Variants in HAS3 observed in about 807,000 individuals in gnomAD.
HAS3 encodes hyaluronan synthase 3, also known as HA synthase 3.
In HAS3, 27 loss-of-function variants were observed where a neutral mutation model predicts 50.3. The ratio of observed to expected loss-of-function variants is 0.54; its 90% confidence interval spans 0.40 to 0.74. The LOEUF (loss-of-function observed/expected upper bound fraction) is 0.74. HAS3 is among the 30% of genes least tolerant of loss of function. HAS3 has a pLI of 0.00. For synonymous variants in HAS3, 339 were observed against 310.9 expected (o/e 1.09, Z -0.95); for missense variants, 517 against 742.8 (o/e 0.70, Z 3.53).
upstream of HAS3, among the ~76,000 whole-genome samples, chr16:69,101,215 ATCC>A (rs375250947): frequency 1.0e-3 from 155 of 152,312 alleles, 4 homozygotes; most frequent in South Asian, 0.028. Flanking sequence ...CGGTCCTAGC[ATCC>A]TCCTCCTCAC....
At chr16:69,087,500 T>G in the HAS3 span, among the ~76,000 whole-genome samples, 3 of 152,024 alleles carry the variant, frequency 2.0e-5, no homozygotes. Context: ...CTCTCCACAC[T>G]CATAATTTCC....
In HAS3 at chr16:69,116,877, C is replaced by T; in HGVS notation, c.*1611C>T. The T allele has an allele frequency of 1.0e-6, 1 of 985,456 alleles. No homozygotes were observed. Among genetic ancestry groups the T allele is most frequent in the South Asian group, 4.7e-5 (1 of 21,288 alleles). 61.0% of individuals were successfully genotyped at this position (985,456 alleles called of 1,614,324 possible). A position where few individuals can be genotyped will look rare whatever the true frequency, so the allele number is the denominator to read the frequency against. ...CCAGCTAACCCGTGCAGAACCAGCACTAAGGTGGACAGCAGACAAGAGGGC... is the reference window on the plus strand; with the variant it reads ...CCAGCTAACCCGTGCAGAACCAGCATTAAGGTGGACAGCAGACAAGAGGGC... On this transcript the variant is annotated 3_prime_UTR_variant, in exon 4 of 4. Coordinates refer to ENST00000569188, the MANE Select transcript of HAS3 (RefSeq NM_001199280.2).
the HAS3 span, among the ~76,000 whole-genome samples, chr16:69,086,944 C>T: frequency 2.0e-5 from 3 of 152,134 alleles, no homozygotes; most frequent in African/African-American, 4.8e-5. Flanking sequence ...ACGAAATACA[C>T]GGGAACAAAA....
the HAS3 span, among the ~76,000 whole-genome samples, chr16:69,089,646 T>C: frequency 6.6e-6 from 1 of 152,274 alleles, no homozygotes; most frequent in Admixed American, 6.5e-5. Flanking sequence ...GCTGCCTCTT[T>C]CCTGCAGGCA....
Position 69,114,210 on chromosome 16 carries a change from G to C in HAS3, c.739-133G>C, listed in dbSNP as rs1315451932. The C allele has an allele frequency of 2.9e-6, 4 of 1,391,130 alleles. No homozygotes were observed. The East Asian group carries it at 9.3e-5, about 32-fold the overall frequency. 86.2% of individuals were successfully genotyped at this position (1,391,130 alleles called of 1,614,324 possible). ...GCTCCTCTGAGCCTCAGGTTTCCCA[G>C]CTCCAAAGGAACCGATGGCCAGGAA... On this transcript the variant is annotated intron_variant, in intron 3 of 3. Transcript: ENST00000569188. The surrounding 1 kb of genome is among the most constrained non-coding windows in gnomAD (Gnocchi z 6.4).
At chr16:69,095,869 G>A in the HAS3 span, among the ~76,000 whole-genome samples, 1 of 152,182 alleles carries the variant, frequency 6.6e-6, no homozygotes, top group East Asian at 1.9e-4. Flanking sequence ...AGTGACTAAT[G>A]ATGTCTTTCA....
At chr16:69,088,315 T>C in the HAS3 span, among the ~76,000 whole-genome samples, 1 of 151,578 alleles carries the variant, frequency 6.6e-6, no homozygotes, top group African/African-American at 2.4e-5. Context: ...ATCCCAGCAA[T>C]TTGGGAGGCT....
At chr16:69,101,692 T>A (rs1354949038), upstream of HAS3, among the ~76,000 whole-genome samples, 5 of 152,200 alleles carry the variant, frequency 3.3e-5, no homozygotes, top group Admixed American at 2.0e-4. Flanking sequence ...CTGTTCCAGC[T>A]CACAGAGACC....
chr16:69,087,803 A>G, the HAS3 span, among the ~76,000 whole-genome samples: 1 of 150,236 alleles, frequency 6.7e-6, no homozygotes, highest in Non-Finnish European at 1.5e-5. Context: ...CCCAGGTTCA[A>G]GCAATTCTCC....
At chr16:69,113,380 GT>G (rs1333148066) in intron 2 of HAS3, 60 bp from the exon 3 acceptor site, 25 of 1,068,752 alleles carry the variant, frequency 2.3e-5, no homozygotes, top group Non-Finnish European at 3.7e-5. Context: ...TGGCAGTGGG[GT>G]GGGGGACAGG....
the HAS3 span, among the ~76,000 whole-genome samples, chr16:69,086,366 G>A: frequency 6.6e-6 from 1 of 151,912 alleles, no homozygotes; most frequent in Non-Finnish European, 1.5e-5. Flanking sequence ...GTCTTGCTAT[G>A]TTGCCCAGGC....
At chr16:69,098,606 C>A in the HAS3 span, among the ~76,000 whole-genome samples, 1 of 150,264 alleles carries the variant, frequency 6.7e-6, no homozygotes, top group African/African-American at 2.5e-5. Flanking sequence ...GAAAAAAAAT[C>A]CATTGTTCTA....
downstream of HAS3, chr16:69,118,473 C>T (rs1567585233): frequency 6.7e-7 from 1 of 1,502,290 alleles, no homozygotes; most frequent in Non-Finnish European, 9.3e-7. Flanking sequence ...GCTGATTCTC[C>T]AATGGTGAGC....
At position 69,117,089 on chromosome 16, in the gene HAS3, C is replaced by T; in HGVS notation, c.*1823C>T. The T allele has an allele frequency of 1.0e-6, 1 of 985,746 alleles. No individual in the cohort carries two copies. The highest frequency in any genetic ancestry group is 1.2e-6 in the Non-Finnish European group (1 of 829,922). 61.1% of individuals were successfully genotyped at this position (985,746 alleles called of 1,614,324 possible). A position where few individuals can be genotyped will look rare whatever the true frequency, so the allele number is the denominator to read the frequency against. On this transcript the variant is annotated 3_prime_UTR_variant, in exon 4 of 4. Transcript: ENST00000569188. ...CTGCTGGTTGACATCAGACCCAACC[C>T]ATGAAGGCTGGAAGGCAGCAGGCAT...
At chr16:69,110,682 C>T (rs745540778) in intron 2 of HAS3, among the ~76,000 whole-genome samples, 1 of 152,212 alleles carries the variant, frequency 6.6e-6, no homozygotes, top group Non-Finnish European at 1.5e-5. Flanking sequence ...AGCTAAGTAA[C>T]TTGCCTAATG....
chr16:69,088,211 CCT>C, the HAS3 span, among the ~76,000 whole-genome samples: 4 of 152,060 alleles, frequency 2.6e-5, no homozygotes, highest in Non-Finnish European at 5.9e-5. Flanking sequence ...GAACTCTTAC[CCT>C]CGGGGAGAGT....
chr16:69,096,494 C>CCATGCATTCCAGTCTGGATG, the HAS3 span, among the ~76,000 whole-genome samples: 1 of 117,294 alleles, frequency 8.5e-6, no homozygotes, highest in Non-Finnish European at 1.6e-5. Context: ...AAAGATCACA[C>CCATGCATTCCAGTCTGGATG]CATGCATTCC....
At chr16:69,098,199 G>A in the HAS3 span, among the ~76,000 whole-genome samples, 285 of 152,126 alleles carry the variant, frequency 1.9e-3, 6 homozygotes, top group Admixed American at 0.016. Flanking sequence ...GTGAAACCCC[G>A]TCTCTACTAA....
At chr16:69,089,661 T>C in the HAS3 span, among the ~76,000 whole-genome samples, 1 of 152,124 alleles carries the variant, frequency 6.6e-6, no homozygotes, top group South Asian at 2.1e-4. Flanking sequence ...CAGGCAGAGC[T>C]CAGGGCTGTG....
Sources: gnomAD v4.1 joint callset for allele counts (sites outside exome capture counted in the v4.1 genomes callset) on GRCh38, gnomAD v4.1.1 for gene constraint, Gnocchi (gnomAD v3.1) non-coding constraint, MANE v1.5 for transcripts, NCBI Gene and HGNC (gene_info 2026-07-23, HGNC 2026-07-21) for gene names.